The following TENM2 variants were observed in gnomAD, a reference collection of about 807,000 sequenced individuals.
The protein encoded by TENM2 is teneurin-2.
In TENM2, 52 loss-of-function variants were observed where a neutral mutation model predicts 245.2. The observed-to-expected ratio is 0.21, with a 90% confidence interval of 0.17 to 0.27. The LOEUF is 0.27. TENM2 is among the 10% of genes least tolerant of loss of function. TENM2 has a pLI of 1.00. For missense variants in TENM2, 3,046 were observed against 3,666.8 expected (o/e 0.83, Z 4.37); for synonymous variants, 1,363 against 1,438.9 (o/e 0.95, Z 1.19).
intron 2 of TENM2, among the ~76,000 whole-genome samples, chr5:167,427,552 CG>C (rs1763914481): frequency 3.0e-5 from 1 of 33,320 alleles, no homozygotes; most frequent in Non-Finnish European, 5.9e-5. Context: ...AAGGGAAGGA[CG>C]GGAAGGAAGG....
chr5:167,554,770 T>C (rs927126670), intron 2 of TENM2, among the ~76,000 whole-genome samples: 2 of 152,070 alleles, frequency 1.3e-5, no homozygotes, highest in Admixed American at 6.5e-5. Flanking sequence ...CCACTATCAG[T>C]GTGACCAAGA....
intron 2 of TENM2, among the ~76,000 whole-genome samples, chr5:167,473,171 A>G (rs1219824769): frequency 6.6e-6 from 1 of 152,222 alleles, no homozygotes; most frequent in African/African-American, 2.4e-5. Flanking sequence ...TGTTATGTAC[A>G]TACCTATGTA....
At chr5:167,197,707 G>A in the TENM2 span, among the ~76,000 whole-genome samples, 1 of 151,862 alleles carries the variant, frequency 6.6e-6, no homozygotes, top group Admixed American at 6.6e-5. Context: ...CATGAAATAA[G>A]GCAGCCTCAA....
the TENM2 span, among the ~76,000 whole-genome samples, chr5:167,134,338 T>A: frequency 5.1e-4 from 77 of 152,320 alleles, 2 homozygotes; most frequent in African/African-American, 1.7e-3. Context: ...CGACATCACT[T>A]TATACAATGA....
intron 2 of TENM2, among the ~76,000 whole-genome samples, chr5:167,840,067 C>T (rs553491719): frequency 7.2e-5 from 11 of 152,290 alleles, no homozygotes; most frequent in East Asian, 1.9e-4. Context: ...GTGATCCACC[C>T]GCCTCGGCCT....
chr5:167,375,389 C>T (rs573201256), exon 2 of TENM2: 4 of 1,551,662 alleles, frequency 2.6e-6, no homozygotes, highest in African/African-American at 2.7e-5. Context: ...AAAATCCAGG[C>T]GCAGTTCCGG....
intron 2 of TENM2, among the ~76,000 whole-genome samples, chr5:167,779,682 G>C (rs551573242): frequency 2.0e-5 from 3 of 152,340 alleles, no homozygotes; most frequent in East Asian, 3.9e-4. Flanking sequence ...ATATGTATCA[G>C]TCAGTGGCTC....
chr5:167,303,463 T>A (rs1357189083), intron 1 of TENM2: 1 of 151,218 alleles, frequency 6.6e-6, no homozygotes. Flanking sequence ...CGGGCTGGAG[T>A]GGGGGTCACA....
chr5:167,792,735 A>G (rs1765068696), intron 2 of TENM2, among the ~76,000 whole-genome samples: 1 of 151,822 alleles, frequency 6.6e-6, no homozygotes, highest in Non-Finnish European at 1.5e-5. Flanking sequence ...AAAAATGGAA[A>G]AAAAAAAAAA....
intron 13 of TENM2, among the ~76,000 whole-genome samples, chr5:168,164,943 T>C (rs1758083378): frequency 6.6e-6 from 1 of 152,208 alleles, no homozygotes; most frequent in Non-Finnish European, 1.5e-5. Context: ...CTTTCAGTGG[T>C]GTCCAGAGCA....
chr5:167,877,031 G>A (rs779411925), intron 3 of TENM2, among the ~76,000 whole-genome samples: 34 of 152,126 alleles, frequency 2.2e-4, no homozygotes, highest in Non-Finnish European at 4.9e-4. Flanking sequence ...ACGTAGGAAC[G>A]GGCAATAACT....
At chr5:167,476,639 C>G (rs1187804672) in intron 2 of TENM2, among the ~76,000 whole-genome samples, 1 of 152,070 alleles carries the variant, frequency 6.6e-6, no homozygotes, top group Non-Finnish European at 1.5e-5. Flanking sequence ...CTCTTTGTTG[C>G]CCAGGCTGGG....
intron 25 of TENM2, among the ~76,000 whole-genome samples, chr5:168,233,280 C>A (rs1423542231): frequency 6.6e-6 from 1 of 152,038 alleles, no homozygotes; most frequent in East Asian, 1.9e-4. Flanking sequence ...GAGCCAAGAT[C>A]GTGCCACTGC....
intron 2 of TENM2, among the ~76,000 whole-genome samples, chr5:167,753,221 A>G (rs1400558523): frequency 1.3e-5 from 2 of 152,200 alleles, no homozygotes; most frequent in African/African-American, 2.4e-5. Context: ...GAAGACTGCT[A>G]TATACGGAAA....
intron 2 of TENM2, among the ~76,000 whole-genome samples, chr5:167,761,055 A>T (rs184801223): frequency 2.7e-4 from 41 of 152,210 alleles, no homozygotes; most frequent in African/African-American, 9.4e-4. Flanking sequence ...GGTGACTAAG[A>T]TAGTGAGTGA....
chr5:167,110,850 T>A, the TENM2 span, among the ~76,000 whole-genome samples: 2 of 152,212 alleles, frequency 1.3e-5, no homozygotes, highest in Non-Finnish European at 2.9e-5. Flanking sequence ...CATGGCCATT[T>A]CTCATGCACT....
intron 2 of TENM2, among the ~76,000 whole-genome samples, chr5:167,617,853 C>G (rs1016699500): frequency 1.3e-5 from 2 of 152,170 alleles, no homozygotes; most frequent in African/African-American, 4.8e-5. Flanking sequence ...TGCCTATATT[C>G]AGAATGAAGG....
At chr5:167,848,291 A>T in intron 2 of TENM2, among the ~76,000 whole-genome samples, 1 of 152,154 alleles carries the variant, frequency 6.6e-6, no homozygotes, top group East Asian at 1.9e-4. Context: ...TTGAAAACCC[A>T]AGTGTCCATA....
In TENM2 at chr5:167,958,920, C is replaced by A. The variant is rs574378089; in HGVS notation, c.947+6098C>A. ...CTCTGGCTGCCCTTAACATTTTTTCCTTCATTTCAACCTTGGTGAATCTGA... is the reference window on the plus strand; with the variant it reads ...CTCTGGCTGCCCTTAACATTTTTTCATTCATTTCAACCTTGGTGAATCTGA... On this transcript the variant is annotated intron_variant, in intron 4 of 28. Coordinates refer to ENST00000518659, the Ensembl canonical transcript of TENM2. 3.9e-5 allele frequency among the ~76,000 whole-genome samples: 6 copies of A among 152,122 alleles called. No homozygotes were observed. In the South Asian group the frequency reaches 1.2e-3, roughly 32 times the overall value.
Sources: gnomAD v4.1 joint callset for allele counts (sites outside exome capture counted in the v4.1 genomes callset) on GRCh38, gnomAD v4.1.1 for gene constraint, MANE v1.5 for transcripts, NCBI Gene and HGNC (gene_info 2026-07-23, HGNC 2026-07-21) for gene names.